LYN: variants seen among roughly 807,000 people sequenced by gnomAD.
The protein encoded by LYN is tyrosine-protein kinase Lyn.
A neutral mutation model predicts 65.0 loss-of-function variants in LYN; 12 were observed. The observed-to-expected ratio is 0.18, with a 90% CI of 0.12 to 0.30. The LOEUF (loss-of-function observed/expected upper bound fraction) is 0.30. Ranked by LOEUF, LYN falls within the 10% of genes least tolerant of loss-of-function variation. The probability of loss-of-function intolerance (pLI) is 1.00; values close to 1 mark genes in which losing one functional copy is unlikely to be tolerated. For missense variants in LYN, 380 were observed against 623.2 expected, an observed-to-expected ratio of 0.61 and a Z score of 4.16; for synonymous variants, 222 against 221.2, an observed-to-expected ratio of 1.00 and a Z score of -0.03.
intron 10 of LYN, among the ~76,000 whole-genome samples, chr8:55,979,173 G>C (rs1232472683): frequency 6.6e-6 from 1 of 150,466 alleles, no homozygotes; most frequent in Non-Finnish European, 1.5e-5. Flanking sequence ...CTCCCGAGTA[G>C]CTGGGATTAC....
In LYN at chr8:55,967,637, A is replaced by G. The variant is rs117784658; in HGVS notation, c.973+740A>G. ...TATTTGTTCTTTAGCGTTATCTAAT[A>G]TTCATTTTCCTTTTCAGCATTATCT... On this transcript the variant is annotated intron_variant, in intron 9 of 12. Transcript: ENST00000519728. Among the ~76,000 whole-genome samples the G allele has an allele frequency of 2.5e-3, 377 of 152,244 alleles. 1 individual carries two copies. The highest frequency in any genetic ancestry group is 4.9e-3 in the Non-Finnish European group (333 of 68,016).
At chr8:55,957,797 A>AG (rs1171867028) in intron 8 of LYN, among the ~76,000 whole-genome samples, 3 of 152,058 alleles carry the variant, frequency 2.0e-5, no homozygotes, top group Non-Finnish European at 4.4e-5. Context: ...ACAAAAAAAA[A>AG]TTAGTTGAGC....
rs776719521 is a variant in LYN at position 55,946,458 on chromosome 8, C to T, written c.143C>T (p.Ser48Phe). ...AATATTCTCTCGTAGGTTCCAGAAT[C>T]TCAGCTTTTACCTGGACAGAGGTTT... The part of the protein sequence containing the change: ...SNKQQRPVPE[S>F]QLLPGQRFQT... Residue 48 changes from serine (S) to phenylalanine (F), a missense_variant, in exon 3 of 13, where the codon TCT (serine) becomes TTT (phenylalanine). Ser to Phe is a radical substitution (Grantham distance 155). Transcript: ENST00000519728. 3.1e-6 allele frequency: 5 copies of T among 1,609,418 alleles called. No individual in the cohort carries two copies. The highest frequency in any genetic ancestry group is 3.4e-6 in the Non-Finnish European group (4 of 1,176,342).
chr8:55,940,101 G>A (rs1159636426), intron 1 of LYN: 1 of 152,270 alleles, frequency 6.6e-6, no homozygotes, highest in Non-Finnish European at 1.5e-5. Context: ...GTTCCCAGAA[G>A]AGCTCTTGAG....
Position 55,961,086 on chromosome 8 carries a change from C to T in LYN, c.791-5629C>T, listed in dbSNP as rs753429979. 9.5e-4 allele frequency among the ~76,000 whole-genome samples: 145 copies of T among 152,188 alleles called. 1 individual carries two copies. Among genetic ancestry groups the T allele is most frequent in the Non-Finnish European group, 1.7e-3 (118 of 68,034 alleles). ...TACATTGAATTTTGCTTGATAAATT[C>T]TCATTTGAGCCAACTGCCTTGAGAT... On this transcript the variant is annotated intron_variant, in intron 8 of 12. Coordinates refer to ENST00000519728, the MANE Select transcript of LYN (RefSeq NM_002350.4).
intron 1 of LYN, among the ~76,000 whole-genome samples, chr8:55,886,548 G>A (rs1442316352): frequency 2.0e-5 from 3 of 152,180 alleles, no homozygotes; most frequent in African/African-American, 4.8e-5. Flanking sequence ...CGCCCAGCCT[G>A]TCAAACTTAT....
chr8:55,891,848 C>T (rs546611805), intron 1 of LYN, among the ~76,000 whole-genome samples: 22 of 152,214 alleles, frequency 1.4e-4, no homozygotes, highest in Non-Finnish European at 1.6e-4. Flanking sequence ...ACCAAGCAGA[C>T]GGGTGTTCAC....
At chr8:55,916,017 G>C (rs1043183296) in intron 1 of LYN, among the ~76,000 whole-genome samples, 1 of 152,150 alleles carries the variant, frequency 6.6e-6, no homozygotes, top group African/African-American at 2.4e-5. Flanking sequence ...GGTAGCCATT[G>C]TTTTAAAAGC....
intron 1 of LYN, among the ~76,000 whole-genome samples, chr8:55,888,998 C>T (rs930589843): frequency 9.2e-5 from 14 of 151,970 alleles, no homozygotes; most frequent in African/African-American, 3.1e-4. Flanking sequence ...AAAATTTTCC[C>T]TCACGTGTAT....
chr8:55,978,189 A>G (rs1256905909), intron 10 of LYN, among the ~76,000 whole-genome samples: 1 of 152,180 alleles, frequency 6.6e-6, no homozygotes, highest in South Asian at 2.1e-4. Flanking sequence ...GATAATGGGG[A>G]TCGACTGAGC....
intron 1 of LYN, among the ~76,000 whole-genome samples, chr8:55,917,423 A>T (rs1336101771): frequency 1.3e-5 from 2 of 152,132 alleles, no homozygotes; most frequent in Non-Finnish European, 2.9e-5. Context: ...GACTAAACTG[A>T]TCCTCCTGCC....
At chr8:55,965,734 G>T (rs1807435952) in intron 8 of LYN, among the ~76,000 whole-genome samples, 1 of 152,150 alleles carries the variant, frequency 6.6e-6, no homozygotes, top group Admixed American at 6.5e-5. Context: ...GTATGCCTGT[G>T]TGTGTATGTA....
chr8:55,919,917 T>C (rs1325216593), intron 1 of LYN, among the ~76,000 whole-genome samples: 1 of 112,280 alleles, frequency 8.9e-6, no homozygotes, highest in African/African-American at 3.2e-5. Context: ...GCGGGGGGAG[T>C]GGGGGTGGGA....
intron 1 of LYN, among the ~76,000 whole-genome samples, chr8:55,922,422 T>C (rs554183636): frequency 6.6e-6 from 1 of 152,122 alleles, no homozygotes; most frequent in East Asian, 1.9e-4. Context: ...GTTCTATGTG[T>C]GCCAGTGTAT....
At chr8:55,943,152 T>C (rs914881613) in intron 2 of LYN, among the ~76,000 whole-genome samples, 4 of 152,230 alleles carry the variant, frequency 2.6e-5, no homozygotes, top group Non-Finnish European at 5.9e-5. Context: ...TGAACAATTA[T>C]AACCTGAAAT....
intron 1 of LYN, among the ~76,000 whole-genome samples, chr8:55,911,515 A>G (rs1805638320): frequency 6.6e-6 from 1 of 151,740 alleles, no homozygotes. Context: ...GACTGAGATG[A>G]CTCTCCTGGT....
intron 1 of LYN, among the ~76,000 whole-genome samples, chr8:55,887,557 A>AATATAT (rs1196278216): frequency 1.2e-3 from 82 of 68,800 alleles, no homozygotes; most frequent in African/African-American, 4.0e-3. Context: ...TAAAAATATA[A>AATATAT]ATATATATAT....
chr8:56,005,138 C>G lies in LYN; in HGVS notation c.1337-4770C>G, dbSNP rs114064602. Among the ~76,000 whole-genome samples the G allele has an allele frequency of 6.5e-3, 984 of 152,262 alleles. 11 individuals carry two copies. Among genetic ancestry groups the G allele is most frequent in the African/African-American group, 0.023 (942 of 41,528 alleles). ...AAAGAGGTGTAAGCTGAAAGGTCCC[C>G]CACTCTATTCCCAGCCACACAATTC... On this transcript the variant is annotated intron_variant, in intron 12 of 12. Transcript: ENST00000519728.
At chr8:55,919,330 G>A (rs1805878258) in intron 1 of LYN, among the ~76,000 whole-genome samples, 1 of 152,180 alleles carries the variant, frequency 6.6e-6, no homozygotes, top group Non-Finnish European at 1.5e-5. Context: ...ATATAATTTA[G>A]TGTTCGTACT....
Sources: gnomAD v4.1 joint callset for allele counts (sites outside exome capture counted in the v4.1 genomes callset) on GRCh38, gnomAD v4.1.1 for gene constraint, MANE v1.5 for transcripts, NCBI Gene and HGNC (gene_info 2026-07-23, HGNC 2026-07-21) for gene names.